TLL1: variants seen among roughly 807,000 people sequenced by gnomAD.
TLL1 encodes the protein tolloid-like protein 1.
A neutral mutation model predicts 128.2 loss-of-function variants in TLL1; 49 were observed. The ratio of observed to expected loss-of-function variants is 0.38; its 90% CI spans 0.30 to 0.48. TLL1 has a LOEUF of 0.48. Ranked by LOEUF, TLL1 falls within the 20% of genes least tolerant of loss-of-function variation. The pLI, the probability that TLL1 is intolerant of heterozygous loss-of-function variation, is 0.96. For missense variants in TLL1, 1,123 were observed against 1,242.0 expected, an observed-to-expected ratio of 0.90 and a Z score of 1.44; for synonymous variants, 454 against 418.8, an observed-to-expected ratio of 1.08 and a Z score of -1.03.
intron 8 of TLL1, among the ~76,000 whole-genome samples, chr4:166,017,980 A>C (rs1166797543): frequency 1.3e-5 from 2 of 152,076 alleles, no homozygotes; most frequent in Admixed American, 6.6e-5. Flanking sequence ...AGTAGAGTTA[A>C]AGATTCATAA....
chr4:166,082,494 G>A (rs1741328288), intron 18 of TLL1, among the ~76,000 whole-genome samples: 1 of 151,876 alleles, frequency 6.6e-6, no homozygotes, highest in Non-Finnish European at 1.5e-5. Context: ...CACTATTATT[G>A]CGTATATCAG....
intron 1 of TLL1, among the ~76,000 whole-genome samples, chr4:165,978,886 T>A (rs11100628): frequency 1 from 152,129 of 152,306 alleles, 75,977 homozygotes; most frequent in Middle Eastern, 1. Flanking sequence ...TCATGTGCTG[T>A]TTACTGTGTG....
At chr4:165,891,200 T>A (rs1731386765) in intron 1 of TLL1, among the ~76,000 whole-genome samples, 1 of 152,248 alleles carries the variant, frequency 6.6e-6, no homozygotes, top group East Asian at 1.9e-4. Flanking sequence ...GCCTTCTGGC[T>A]TGTGATGGGA....
Position 166,077,909 on chromosome 4 carries a change from G to A in TLL1, c.2321G>A (p.Cys774Tyr), listed in dbSNP as rs774660001. The A allele has an allele frequency of 1.9e-6, 3 of 1,613,466 alleles. No homozygotes were observed. The highest frequency in any genetic ancestry group is 8.5e-7 in the Non-Finnish European group (1 of 1,179,642). ...DNKHDCKEAE[C>Y]EQKIHSPSGL... ...ATTATGGTTATTGGTGCAGCTGAGT[G>A]TGAACAGAAGATCCACAGTCCAAGT... The change falls in exon 18 of 21, where the codon TGT becomes TAT. Residue 774 changes from cysteine (C) to tyrosine (Y), a missense_variant. Around this residue, in one of 3 missense-constraint regions of TLL1, gnomAD observed 634 missense variants for 672.4 expected, o/e 0.94. Coordinates refer to ENST00000061240, the MANE Select transcript of TLL1 (RefSeq NM_012464.5).
intron 8 of TLL1, among the ~76,000 whole-genome samples, chr4:166,017,375 T>G (rs1477094310): frequency 6.6e-6 from 1 of 152,162 alleles, no homozygotes; most frequent in African/African-American, 2.4e-5. Flanking sequence ...GCCTTGCTAT[T>G]GTGTACAGTG....
intron 1 of TLL1, among the ~76,000 whole-genome samples, chr4:165,939,619 C>A (rs1023937481): frequency 6.6e-6 from 1 of 151,988 alleles, no homozygotes; most frequent in African/African-American, 2.4e-5. Context: ...TTCTACAGGG[C>A]AAATTGGTTT....
intron 7 of TLL1, among the ~76,000 whole-genome samples, chr4:166,013,348 C>T (rs1737788418): frequency 1.3e-5 from 2 of 151,742 alleles, no homozygotes; most frequent in Admixed American, 1.3e-4. Context: ...TTATTTACTG[C>T]TACAAATCCA....
intron 9 of TLL1, among the ~76,000 whole-genome samples, chr4:166,026,403 A>G (rs1738492460): frequency 7.2e-6 from 1 of 139,120 alleles, no homozygotes; most frequent in Admixed American, 7.3e-5. Context: ...AAACAAAAAC[A>G]AGGCCAGGTG....
At chr4:165,883,370 T>C (rs1308279024) in intron 1 of TLL1, among the ~76,000 whole-genome samples, 1 of 152,084 alleles carries the variant, frequency 6.6e-6, no homozygotes, top group Non-Finnish European at 1.5e-5. Context: ...TTTTTTCAGG[T>C]TTCAAGGAGG....
At position 165,874,085 on chromosome 4, in the gene TLL1, T is replaced by C. The variant is rs937615859; in HGVS notation, c.169+12T>C. On this transcript the variant is annotated intron_variant, in intron 1 of 20. Coordinates refer to ENST00000061240, the MANE Select transcript of TLL1 (RefSeq NM_012464.5). ...CCCGTGTAAAGCCGGTAAGTGGCTC[T>C]CCAGGTTGGGACGGTGGCGCGCCGG... 1.9e-6 allele frequency: 3 copies of C among 1,613,880 alleles called. No homozygotes were observed. The African/African-American group carries it at 4.0e-5, about 22-fold the overall frequency.
At chr4:165,886,970 A>G (rs1731187566) in intron 1 of TLL1, among the ~76,000 whole-genome samples, 1 of 152,216 alleles carries the variant, frequency 6.6e-6, no homozygotes, top group African/African-American at 2.4e-5. Flanking sequence ...TAACTAAGAT[A>G]AAAGTTGAAG....
At chr4:166,037,012 G>A (rs991433008) in intron 9 of TLL1, among the ~76,000 whole-genome samples, 1 of 152,038 alleles carries the variant, frequency 6.6e-6, no homozygotes, top group Non-Finnish European at 1.5e-5. Context: ...AAGCCAGAAC[G>A]TGAGCCCTGG....
intron 13 of TLL1, among the ~76,000 whole-genome samples, 191 bp downstream of exon 13, chr4:166,055,462 G>T (rs1310052140): frequency 1.3e-5 from 2 of 152,064 alleles, no homozygotes; most frequent in Non-Finnish European, 2.9e-5. Flanking sequence ...CACAGGATAG[G>T]AATTCCATTA....
At chr4:165,949,194 T>G (rs1000750041) in intron 1 of TLL1, among the ~76,000 whole-genome samples, 4 of 151,896 alleles carry the variant, frequency 2.6e-5, no homozygotes, top group African/African-American at 9.7e-5. Flanking sequence ...TGAGGAGAAA[T>G]GCAGGTAATA....
At chr4:166,084,305 T>A (rs1263276262) in intron 18 of TLL1, among the ~76,000 whole-genome samples, 1 of 152,172 alleles carries the variant, frequency 6.6e-6, no homozygotes, top group Non-Finnish European at 1.5e-5. Context: ...GATGTATGGT[T>A]CATAAATATT....
At chr4:166,093,357 T>G (rs1741866980) in intron 19 of TLL1, among the ~76,000 whole-genome samples, 1 of 152,098 alleles carries the variant, frequency 6.6e-6, no homozygotes. Flanking sequence ...CACAATTAAG[T>G]TCAAGGGGAG....
intron 1 of TLL1, among the ~76,000 whole-genome samples, chr4:165,924,407 C>T (rs567489167): frequency 6.6e-6 from 1 of 152,258 alleles, no homozygotes; most frequent in Admixed American, 6.5e-5. Context: ...TTTAAGTGGT[C>T]TGGATAGATC....
chr4:165,970,509 G>A (rs1010163253), intron 1 of TLL1, among the ~76,000 whole-genome samples: 2 of 152,148 alleles, frequency 1.3e-5, no homozygotes, highest in Middle Eastern at 3.2e-3. Flanking sequence ...AGTGGAGGAG[G>A]AGGTTGGGTT....
At chr4:165,999,081 T>C (rs1039717184) in intron 5 of TLL1, among the ~76,000 whole-genome samples, 1 of 152,170 alleles carries the variant, frequency 6.6e-6, no homozygotes. Flanking sequence ...ATCAGCATTT[T>C]GATCAAAACC....
Sources: allele counts gnomAD v4.1 joint callset (sites outside exome capture counted in the v4.1 genomes callset), GRCh38; gene constraint gnomAD v4.1.1; regional missense constraint gnomAD v4.1.1; transcripts MANE v1.5; gene names NCBI Gene and HGNC (gene_info 2026-07-23, HGNC 2026-07-21).